Variants in ELP2 observed in about 807,000 individuals in gnomAD.
The protein encoded by ELP2 is elongator complex protein 2.
Under a neutral mutation model 119.2 loss-of-function variants are expected in ELP2, and 90 were observed. The observed-to-expected ratio is 0.75, with a 90% CI of 0.64 to 0.90. The LOEUF is 0.90. Among genes scored for constraint, ELP2 ranks in the 40% least tolerant of loss-of-function variants. The pLI is 0.00. For synonymous variants in ELP2, 339 were observed against 331.0 expected (o/e 1.02, Z -0.26); for missense variants, 921 against 967.8 (o/e 0.95, Z 0.64).
Position 36,171,051 on chromosome 18 carries a change from G to A in ELP2, c.2215G>A (p.Val739Met), listed in dbSNP as rs767094081. The change falls in exon 21 of 22, where the codon GTG (valine) becomes ATG (methionine). Residue 739 changes from valine (V) to methionine (M), a missense_variant. By Grantham distance (21) the Val-to-Met change is conservative. Coordinates refer to ENST00000358232, the MANE Select transcript of ELP2 (RefSeq NM_018255.4). ...GTCCCCCTCCCTTAAAAACAGATAC[G>A]TGGTTGCAGTAGGATTGGAGTGTGG... ...CPVLHPSQRY[V>M]VAVGLECGKI... The A allele has an allele frequency of 1.0e-5, 16 of 1,607,316 alleles. No individual in the cohort carries two copies. Among genetic ancestry groups the A allele is most frequent in the South Asian group, 9.9e-5 (9 of 90,954 alleles).
intron 11 of ELP2, among the ~76,000 whole-genome samples, chr18:36,149,478 G>GTTTTTTTTTTTTTT (rs1239631733): frequency 4.7e-5 from 3 of 64,512 alleles, no homozygotes; most frequent in Non-Finnish European, 9.3e-5. Context: ...AGGGTTTTTT[G>GTTTTTTTTTTTTTT]TTTTGTTTTG....
intron 5 of ELP2, among the ~76,000 whole-genome samples, chr18:36,139,950 G>T (rs889091896): frequency 1.3e-5 from 2 of 151,498 alleles, no homozygotes; most frequent in Admixed American, 6.6e-5. Context: ...CTGGGCTCAG[G>T]TGATTTTCCC....
chr18:36,146,160 G>A (rs2090192342), intron 10 of ELP2, 90 bp from the exon 11 acceptor site: 1 of 1,582,114 alleles, frequency 6.3e-7, no homozygotes, highest in African/African-American at 1.3e-5. Flanking sequence ...TTAAAATAGT[G>A]GGAATTTAAC....
intron 21 of ELP2, among the ~76,000 whole-genome samples, chr18:36,173,649 G>A (rs556630697): frequency 1.2e-4 from 18 of 152,294 alleles, no homozygotes; most frequent in East Asian, 5.8e-4. Flanking sequence ...AATGGGTTTC[G>A]TGACTTCATT....
chr18:36,138,197 A>C lies in ELP2; in HGVS notation c.289-73A>C, dbSNP rs1346353399. 2.6e-6 allele frequency: 4 copies of C among 1,514,360 alleles called. No homozygotes were observed. In the African/African-American group the frequency reaches 5.5e-5, roughly 21 times the overall value. 93.8% of individuals were successfully genotyped at this position (1,514,360 alleles called of 1,614,324 possible). ...TTTCTGGCTCAGCCATTTTATTGGC[A>C]CATTTATCCAATTAAATAAAGGTAA... On this transcript the variant is annotated intron_variant, in intron 3 of 21. Coordinates refer to ENST00000358232, the MANE Select transcript of ELP2 (RefSeq NM_018255.4).
At chr18:36,161,728 A>T (rs1045008771) in intron 17 of ELP2, among the ~76,000 whole-genome samples, 1 of 152,202 alleles carries the variant, frequency 6.6e-6, no homozygotes, top group Non-Finnish European at 1.5e-5. Flanking sequence ...GCCCACCTGC[A>T]TGGGCTTGTG....
chr18:36,169,868 A>G lies in ELP2; in HGVS notation c.2077-195A>G. On this transcript the variant is annotated intron_variant, in intron 19 of 21. Coordinates refer to ENST00000358232, the MANE Select transcript of ELP2 (RefSeq NM_018255.4). ...GACCAAGGTGAGCTCTCGGAGACGC[A>G]TGTCTGCTGTACCGTGCCTTCTTTC... The G allele has an allele frequency of 4.5e-6, 3 of 671,036 alleles. No homozygotes were observed. The South Asian group carries it at 5.2e-5, about 12-fold the overall frequency. 41.6% of individuals were successfully genotyped at this position (671,036 alleles called of 1,614,324 possible).
At chr18:36,150,213 G>A (rs1404024771) in intron 11 of ELP2, among the ~76,000 whole-genome samples, 1 of 152,096 alleles carries the variant, frequency 6.6e-6, no homozygotes, top group Non-Finnish European at 1.5e-5. Context: ...AGTTCTTTCT[G>A]GCATTATGTG....
At chr18:36,151,152 A>G (rs755264438) in intron 11 of ELP2, among the ~76,000 whole-genome samples, 4 of 147,678 alleles carry the variant, frequency 2.7e-5, no homozygotes, top group Non-Finnish European at 4.4e-5. Flanking sequence ...TTGTGCAGTC[A>G]TGGCTGACTG....
At chr18:36,139,006 A>T (rs2089929574) in intron 5 of ELP2, 134 bp downstream of exon 5, 1 of 748,778 alleles carries the variant, frequency 1.3e-6, no homozygotes, top group African/African-American at 1.7e-5. Flanking sequence ...TGAATAACAT[A>T]CTTTCCTTAT....
chr18:36,163,915 T>A (rs1439182885), intron 17 of ELP2, among the ~76,000 whole-genome samples: 1 of 152,204 alleles, frequency 6.6e-6, no homozygotes, highest in Non-Finnish European at 1.5e-5. Context: ...TTATTTTGCA[T>A]TTTAGAATCA....
At chr18:36,131,720 T>G (rs1044854972) in intron 1 of ELP2, among the ~76,000 whole-genome samples, 5 of 152,228 alleles carry the variant, frequency 3.3e-5, no homozygotes, top group African/African-American at 9.7e-5. Flanking sequence ...ATGATTATAC[T>G]CATGCTTTGA....
chr18:36,144,101 GT>G (rs1040720436), intron 8 of ELP2, among the ~76,000 whole-genome samples: 1 of 151,962 alleles, frequency 6.6e-6, no homozygotes, highest in African/African-American at 2.4e-5. Context: ...GGTGTATTCT[GT>G]TTTTTGTTAC....
In ELP2 at chr18:36,130,052, T is replaced by C; in HGVS notation, c.119T>C (p.Val40Ala). 1 of 1,614,168 alleles carries C rather than the reference T, an allele frequency of 6.2e-7. No individual in the cohort carries two copies. Among genetic ancestry groups the C allele is most frequent in the Non-Finnish European group, 8.5e-7 (1 of 1,180,018 alleles). Residue 40 changes from valine to alanine, a missense_variant, in exon 1 of 22, where the codon GTG becomes GCG. Coordinates refer to ENST00000358232, the MANE Select transcript of ELP2 (RefSeq NM_018255.4). Reference sequence around the variant, plus strand: ...CTGGCCTTTGGCACGTCCTGCTCCGTGGTGCTCTATGACCCCCTGGTAAGA... The same window carrying C: ...CTGGCCTTTGGCACGTCCTGCTCCGCGGTGCTCTATGACCCCCTGGTAAGA... ...GLLAFGTSCS[V>A]VLYDPLKRVV...
At chr18:36,141,552 T>G in intron 6 of ELP2, 1 of 254,856 alleles carries the variant, frequency 3.9e-6, no homozygotes. Context: ...TGAGCTTTAC[T>G]TAGATTTTGA....
chr18:36,166,143 A>C (rs1185016843), intron 18 of ELP2, among the ~76,000 whole-genome samples: 1 of 151,854 alleles, frequency 6.6e-6, no homozygotes, highest in Non-Finnish European at 1.5e-5. Flanking sequence ...CAGTGAGTGG[A>C]GATCCCACCA....
At position 36,156,459 on chromosome 18, in the gene ELP2, T is replaced by C. The variant is rs753829586; in HGVS notation, c.1276-7T>C. 5 of 1,614,056 alleles carry C rather than the reference T, an allele frequency of 3.1e-6. No homozygotes were observed. The Admixed American group carries it at 5.0e-5, about 16-fold the overall frequency. ...ATGATCATTTTTGTTTATCCCGTTT[T>C]ACCCAGGTGACTTGGCATGAAATTG... is the stretch of plus-strand genomic sequence containing the variant. On this transcript the variant is annotated splice_region_variant and splice_polypyrimidine_tract_variant and intron_variant, in intron 12 of 21. Coordinates refer to ENST00000358232, the MANE Select transcript of ELP2 (RefSeq NM_018255.4).
intron 14 of ELP2, 99 bp downstream of exon 14, chr18:36,159,003 T>A: frequency 1.2e-6 from 1 of 855,558 alleles, no homozygotes; most frequent in East Asian, 2.5e-5. Context: ...ACAGCTGATT[T>A]TTTTTTTAAA....
intron 13 of ELP2, among the ~76,000 whole-genome samples, chr18:36,158,235 G>A (rs1450919934): frequency 6.6e-6 from 1 of 152,210 alleles, no homozygotes; most frequent in Non-Finnish European, 1.5e-5. Flanking sequence ...AAATGAGCAT[G>A]TGCCAGTTTT....
Sources: allele counts gnomAD v4.1 joint callset (sites outside exome capture counted in the v4.1 genomes callset), GRCh38; gene constraint gnomAD v4.1.1; transcripts MANE v1.5; gene names NCBI Gene and HGNC (gene_info 2026-07-23, HGNC 2026-07-21).